Variants in ARHGEF38 observed in about 807,000 individuals in gnomAD.
ARHGEF38 encodes the protein Rho guanine nucleotide exchange factor (GEF) 38.
In ARHGEF38, 79 loss-of-function variants were observed where a neutral mutation model predicts 79.9. That is an observed-to-expected ratio of 0.99 (90% CI 0.82 to 1.19). The LOEUF (loss-of-function observed/expected upper bound fraction) is 1.19, where lower values mean the gene tolerates loss of function less well. Among genes scored for constraint, ARHGEF38 ranks in the 50% most tolerant of loss-of-function variants. The pLI is 0.00. For missense variants in ARHGEF38, 962 were observed against 907.2 expected (o/e 1.06, Z -0.78); for synonymous variants, 366 against 328.3 (o/e 1.11, Z -1.24).
intron 1 of ARHGEF38, among the ~76,000 whole-genome samples, chr4:105,573,718 C>G (rs1726346098): frequency 6.6e-6 from 1 of 150,580 alleles, no homozygotes; most frequent in African/African-American, 2.5e-5. Context: ...CCTTGAGATG[C>G]CATGTAAGTT....
At chr4:105,639,502 AT>A (rs1729535227) in intron 5 of ARHGEF38, among the ~76,000 whole-genome samples, 1 of 152,000 alleles carries the variant, frequency 6.6e-6, no homozygotes, top group Non-Finnish European at 1.5e-5. Context: ...AAATTCTTAT[AT>A]GGTTTAATTT....
At chr4:105,654,225 T>C in intron 8 of ARHGEF38, 56 bp downstream of exon 8, 1 of 1,001,674 alleles carries the variant, frequency 1.0e-6, no homozygotes, top group Non-Finnish European at 1.4e-6. Context: ...TACAAACCAT[T>C]GATTTCCATG....
intron 2 of ARHGEF38, among the ~76,000 whole-genome samples, chr4:105,611,959 G>A (rs961118491): frequency 3.3e-5 from 5 of 152,224 alleles, no homozygotes; most frequent in Middle Eastern, 3.4e-3. Context: ...AATTTCCCAA[G>A]ATGGTTGAAA....
chr4:105,640,961 C>T (rs536028154), intron 5 of ARHGEF38, among the ~76,000 whole-genome samples: 1 of 152,032 alleles, frequency 6.6e-6, no homozygotes, highest in Non-Finnish European at 1.5e-5. Flanking sequence ...GGTGTGACTC[C>T]ATTTCTTCCA....
chr4:105,578,021 T>C (rs529262611), intron 1 of ARHGEF38, among the ~76,000 whole-genome samples: 1 of 152,314 alleles, frequency 6.6e-6, no homozygotes, highest in East Asian at 1.9e-4. Flanking sequence ...CATTAGATTG[T>C]CAATTTGTGA....
At chr4:105,648,852 C>CTT (rs1047099836) in intron 7 of ARHGEF38, among the ~76,000 whole-genome samples, 170 bp downstream of exon 7, 17 of 146,960 alleles carry the variant, frequency 1.2e-4, no homozygotes, top group African/African-American at 4.5e-4. Flanking sequence ...CTCTCTTTCT[C>CTT]TCTCTCTCTC....
chr4:105,679,468 T>C lies in ARHGEF38; in HGVS notation c.*1531T>C. The C allele has an allele frequency of 6.3e-7, 1 of 1,590,306 alleles. No homozygotes were observed. Among genetic ancestry groups the C allele is most frequent in the Non-Finnish European group, 8.6e-7 (1 of 1,161,264 alleles). On this transcript the variant is annotated 3_prime_UTR_variant, in exon 14 of 14. Coordinates refer to ENST00000420470, the MANE Select transcript of ARHGEF38 (RefSeq NM_001242729.2). ...ATTTCCTCTAGGCTTTCCAGAGTCA[T>C]GGTCACAAACCCCTTATCAGAGTTG...
intron 1 of ARHGEF38, among the ~76,000 whole-genome samples, chr4:105,587,530 G>C (rs1056494697): frequency 6.6e-6 from 1 of 152,012 alleles, no homozygotes; most frequent in Admixed American, 6.5e-5. Context: ...GCACGATCTC[G>C]GCTCACTGCA....
chr4:105,622,321 T>C (rs2110505145), intron 3 of ARHGEF38, among the ~76,000 whole-genome samples: 1 of 152,226 alleles, frequency 6.6e-6, no homozygotes, highest in Non-Finnish European at 1.5e-5. Flanking sequence ...GAAATACATT[T>C]CTAAATCCCA....
intron 5 of ARHGEF38, among the ~76,000 whole-genome samples, chr4:105,643,717 A>G (rs1560742235): frequency 6.6e-6 from 1 of 152,140 alleles, no homozygotes. Context: ...CCAGATAGTG[A>G]TAAGTGGAGA....
intron 1 of ARHGEF38, among the ~76,000 whole-genome samples, chr4:105,562,790 A>G (rs1257044160): frequency 2.6e-5 from 4 of 152,194 alleles, no homozygotes; most frequent in Non-Finnish European, 5.9e-5. Context: ...CAAATTCTGA[A>G]ATAGAGATTC....
intron 3 of ARHGEF38, among the ~76,000 whole-genome samples, chr4:105,629,336 G>A (rs184733337): frequency 1.2e-3 from 186 of 152,062 alleles, no homozygotes; most frequent in African/African-American, 4.0e-3. Flanking sequence ...ACAGGACTTC[G>A]GGAAAATCAT....
chr4:105,648,232 G>A (rs568775616), intron 6 of ARHGEF38, among the ~76,000 whole-genome samples: 1 of 151,980 alleles, frequency 6.6e-6, no homozygotes. Flanking sequence ...CATTCCAGAG[G>A]CCTCAGATAA....
chr4:105,579,667 A>G (rs919986299), intron 1 of ARHGEF38, among the ~76,000 whole-genome samples: 1 of 152,084 alleles, frequency 6.6e-6, no homozygotes, highest in Non-Finnish European at 1.5e-5. Context: ...ATTGATGTTC[A>G]CCAAGGATAT....
chr4:105,631,463 T>C, intron 4 of ARHGEF38: 35 of 985,910 alleles, frequency 3.6e-5, no homozygotes, highest in Non-Finnish European at 4.2e-5. Flanking sequence ...GGCCGTCTTC[T>C]TTCCCCAAAC....
chr4:105,629,559 A>C (rs1729095151), intron 3 of ARHGEF38, among the ~76,000 whole-genome samples: 1 of 127,888 alleles, frequency 7.8e-6, no homozygotes, highest in South Asian at 2.2e-4. Context: ...AGCCATCCCA[A>C]TTAATTCAGC....
intron 2 of ARHGEF38, among the ~76,000 whole-genome samples, chr4:105,609,882 A>C (rs1219215034): frequency 6.6e-6 from 1 of 152,148 alleles, no homozygotes; most frequent in African/African-American, 2.4e-5. Context: ...AATATTAATC[A>C]TTCTACTATA....
At chr4:105,599,001 C>T (rs1399655393) in intron 2 of ARHGEF38, among the ~76,000 whole-genome samples, 1 of 152,182 alleles carries the variant, frequency 6.6e-6, no homozygotes, top group Non-Finnish European at 1.5e-5. Context: ...ACTTCACTTA[C>T]TTTCCCATTT....
chr4:105,557,747 G>C (rs1725319790), intron 1 of ARHGEF38, among the ~76,000 whole-genome samples: 1 of 152,042 alleles, frequency 6.6e-6, no homozygotes, highest in African/African-American at 2.4e-5. Flanking sequence ...ACTTGATTCT[G>C]GATTTTCTAG....
Sources: gnomAD v4.1 joint callset for allele counts (sites outside exome capture counted in the v4.1 genomes callset) on GRCh38, gnomAD v4.1.1 for gene constraint, MANE v1.5 for transcripts, NCBI Gene and HGNC (gene_info 2026-07-23, HGNC 2026-07-21) for gene names.